DLGAP2: variants seen among roughly 807,000 people sequenced by gnomAD.
DLGAP2 encodes the protein DLG associated protein 2.
Under a neutral mutation model 100.3 loss-of-function variants are expected in DLGAP2, and 26 were observed. The observed-to-expected ratio is 0.26, with a 90% CI of 0.19 to 0.36. The LOEUF (loss-of-function observed/expected upper bound fraction) is 0.36. Among genes scored for constraint, DLGAP2 ranks in the 10% least tolerant of loss-of-function variants. The pLI is 1.00. For synonymous variants in DLGAP2, 886 were observed against 630.1 expected (o/e 1.41, Z -6.08); for missense variants, 1,858 against 1,453.2 (o/e 1.28, Z -4.53).
chr8:1,298,532 C>T (rs187923294), intron 3 of DLGAP2, among the ~76,000 whole-genome samples: 1 of 152,204 alleles, frequency 6.6e-6, no homozygotes, highest in South Asian at 2.1e-4. Flanking sequence ...GGCAGCGTAC[C>T]CTGCAGAAGA....
At chr8:1,283,179 C>T (rs1799854286) in intron 3 of DLGAP2, among the ~76,000 whole-genome samples, 1 of 151,176 alleles carries the variant, frequency 6.6e-6, no homozygotes, top group Non-Finnish European at 1.5e-5. Flanking sequence ...TGACCTGAAC[C>T]CAGCACGTGA....
chr8:1,276,500 T>C (rs1799700772), intron 3 of DLGAP2, among the ~76,000 whole-genome samples: 1 of 152,142 alleles, frequency 6.6e-6, no homozygotes, highest in South Asian at 2.1e-4. Flanking sequence ...TCACTTTGCT[T>C]GCATGTGTAT....
At chr8:1,601,983 C>T (rs1027287192) in intron 6 of DLGAP2, among the ~76,000 whole-genome samples, 5 of 58,780 alleles carry the variant, frequency 8.5e-5, no homozygotes, top group African/African-American at 2.9e-4. Context: ...TGTGTGTGAT[C>T]AGCCCGTGCT....
At position 1,243,751 on chromosome 8, in the gene DLGAP2, G is replaced by T. The variant is rs530882007; in HGVS notation, c.74-15100G>T. ...CAAGTCCCAAACAACAGAGCATCTC[G>T]CCTCTGCTGTCTCTTCTCTCAGGTG... On this transcript the variant is annotated intron_variant, in intron 2 of 14. Transcript: ENST00000637795. Among the ~76,000 whole-genome samples the T allele has an allele frequency of 2.6e-5, 4 of 152,152 alleles. No homozygotes were observed. The South Asian group carries it at 8.3e-4, about 32-fold the overall frequency.
chr8:1,072,001 G>A (rs1803446151), intron 2 of DLGAP2, among the ~76,000 whole-genome samples: 1 of 152,194 alleles, frequency 6.6e-6, no homozygotes, highest in African/African-American at 2.4e-5. Flanking sequence ...TGGCCGGCCA[G>A]CGCTGCCTGG....
chr8:1,362,957 G>A (rs1421573448), intron 3 of DLGAP2, among the ~76,000 whole-genome samples: 1 of 152,140 alleles, frequency 6.6e-6, no homozygotes, highest in African/African-American at 2.4e-5. Flanking sequence ...AGCACCCTCA[G>A]GGGATTTGAG....
At position 1,537,704 on chromosome 8, in the gene DLGAP2, A is replaced by AGGAT. The variant is rs1006129675; in HGVS notation, c.173-10908_173-10905dup. ...ATGCAAGGATGGAAGGATAGATGGA[A>AGGAT]GGATGGATGGATGGATGAAAGGATG... On this transcript the variant is annotated intron_variant, in intron 4 of 14. Coordinates refer to ENST00000637795, the MANE Select transcript of DLGAP2 (RefSeq NM_001346810.2). Among the ~76,000 whole-genome samples, 3 of 150,708 alleles carry AGGAT rather than the reference A, an allele frequency of 2.0e-5. No homozygotes were observed. The South Asian group carries it at 6.4e-4, about 32-fold the overall frequency.
At chr8:1,480,621 G>A (rs1482780837) in intron 3 of DLGAP2, among the ~76,000 whole-genome samples, 1 of 151,296 alleles carries the variant, frequency 6.6e-6, no homozygotes, top group East Asian at 1.9e-4. Flanking sequence ...AGGCCGAGGC[G>A]GGCGGATCAC....
At chr8:1,292,164 G>T (rs7463557) in intron 3 of DLGAP2, among the ~76,000 whole-genome samples, 18,902 of 152,230 alleles carry the variant, frequency 0.12, 1,514 homozygotes, top group East Asian at 0.24. Context: ...GCTGGCTTTG[G>T]GGGGAAGCAT....
chr8:1,443,480 C>T (rs1450189622), intron 3 of DLGAP2, among the ~76,000 whole-genome samples: 1 of 152,168 alleles, frequency 6.6e-6, no homozygotes, highest in Admixed American at 6.5e-5. Flanking sequence ...CCTCAGTCTT[C>T]TCCTGCAAGA....
chr8:969,493 G>C (rs1799962065), intron 2 of DLGAP2, among the ~76,000 whole-genome samples: 2 of 151,804 alleles, frequency 1.3e-5, no homozygotes, highest in South Asian at 4.2e-4. Flanking sequence ...GCTCGTACTG[G>C]CTTGCAAGAA....
At chr8:1,487,258 A>G (rs1349046465) in intron 3 of DLGAP2, among the ~76,000 whole-genome samples, 2 of 152,196 alleles carry the variant, frequency 1.3e-5, no homozygotes, top group Non-Finnish European at 2.9e-5. Flanking sequence ...TGTTATTAAT[A>G]CCCAGAGTGG....
chr8:1,296,100 G>A (rs145135699), intron 3 of DLGAP2: 12 of 152,226 alleles, frequency 7.9e-5, no homozygotes, highest in African/African-American at 1.2e-4. Flanking sequence ...AACCTTTCCC[G>A]AGTGTTGATT....
chr8:1,288,217 G>GTGT (rs1799984337), intron 3 of DLGAP2, among the ~76,000 whole-genome samples: 1 of 98,440 alleles, frequency 1.0e-5, no homozygotes, highest in Non-Finnish European at 2.0e-5. Context: ...GTGTGTGTGT[G>GTGT]GTTAGGAGGG....
chr8:1,041,296 C>A (rs79219542), intron 2 of DLGAP2, among the ~76,000 whole-genome samples: 4 of 152,046 alleles, frequency 2.6e-5, no homozygotes, highest in South Asian at 2.1e-4. Context: ...CTTGGAGGTG[C>A]GTGGAGATCG....
rs752665563 is a variant in DLGAP2, at chr8:1,705,096, T to A, written c.*3690T>A. The A allele has an allele frequency of 6.6e-6, 1 of 152,266 alleles. No homozygotes were observed. Among genetic ancestry groups the A allele is most frequent in the Non-Finnish European group, 1.5e-5 (1 of 68,050 alleles). 9.4% of individuals were successfully genotyped at this position (152,266 alleles called of 1,614,324 possible). A position where few individuals can be genotyped will look rare whatever the true frequency, so the allele number is the denominator to read the frequency against. On this transcript the variant is annotated 3_prime_UTR_variant, in exon 15 of 15. Transcript: ENST00000637795. ...ATTTCACAGGAAAGTGAAGGGATAC[T>A]GCAGGCCTGTGTTTGCAGCGCCTGT...
chr8:1,626,936 G>A, intron 7 of DLGAP2, 49 bp downstream of exon 7: 1 of 1,546,416 alleles, frequency 6.5e-7, no homozygotes, highest in Non-Finnish European at 8.7e-7. Flanking sequence ...TCCCCAGCCA[G>A]GCTGGCACGG....
intron 1 of DLGAP2, among the ~76,000 whole-genome samples, chr8:845,121 G>A (rs1234805594): frequency 1.3e-5 from 2 of 152,194 alleles, no homozygotes; most frequent in African/African-American, 4.8e-5. Context: ...ATTCTGCTGT[G>A]CATATTTGTG....
chr8:902,629 G>A (rs1167028704), intron 1 of DLGAP2, among the ~76,000 whole-genome samples: 1 of 26,938 alleles, frequency 3.7e-5, no homozygotes, highest in Non-Finnish European at 6.8e-5. Context: ...GGGGTCGGGG[G>A]TGGAAAGTGT....
Sources: allele counts gnomAD v4.1 joint callset (sites outside exome capture counted in the v4.1 genomes callset), GRCh38; gene constraint gnomAD v4.1.1; transcripts MANE v1.5; gene names NCBI Gene and HGNC (gene_info 2026-07-23, HGNC 2026-07-21).